MEGF11: variants seen among roughly 807,000 people sequenced by gnomAD.
MEGF11 encodes the protein multiple epidermal growth factor-like domains protein 11.
Under a neutral mutation model 146.6 loss-of-function variants are expected in MEGF11, and 126 were observed. That is an observed-to-expected ratio of 0.86 (90% CI 0.74 to 1.00). MEGF11 has a LOEUF of 1.00. Among genes scored for constraint, MEGF11 ranks in the 50% least tolerant of loss-of-function variants. The pLI, the probability that MEGF11 is intolerant of heterozygous loss-of-function variation, is 0.00. For missense variants in MEGF11, 1,509 were observed against 1,521.2 expected (o/e 0.99, Z 0.13); for synonymous variants, 532 against 583.4 (o/e 0.91, Z 1.27).
At chr15:66,096,925 G>A (rs1485192767) in intron 4 of MEGF11, among the ~76,000 whole-genome samples, 2 of 151,980 alleles carry the variant, frequency 1.3e-5, no homozygotes, top group Non-Finnish European at 2.9e-5. Flanking sequence ...GCAGAACACC[G>A]CCCCCCACAC....
intron 1 of MEGF11, among the ~76,000 whole-genome samples, chr15:66,162,430 G>A (rs952091187): frequency 1.3e-5 from 2 of 152,184 alleles, no homozygotes; most frequent in Admixed American, 6.5e-5. Context: ...ATAGGGTAGT[G>A]TTGTGTTGCT....
At chr15:66,057,157 T>C (rs333577) in intron 5 of MEGF11, among the ~76,000 whole-genome samples, 139,640 of 152,184 alleles carry the variant, frequency 0.92, 64,567 homozygotes, top group Non-Finnish European at 0.97. Context: ...TGACTCTCCC[T>C]TCCCATTCCC....
chr15:65,964,391 TCC>T (rs2080981929), intron 9 of MEGF11, among the ~76,000 whole-genome samples: 1 of 152,222 alleles, frequency 6.6e-6, no homozygotes, highest in East Asian at 1.9e-4. Context: ...GGGACAACCC[TCC>T]TTAGGCCCTG....
At chr15:65,968,372 C>A (rs533420186) in intron 8 of MEGF11, among the ~76,000 whole-genome samples, 2 of 152,278 alleles carry the variant, frequency 1.3e-5, no homozygotes, top group Non-Finnish European at 2.9e-5. Context: ...AACCAGATAC[C>A]TCCTGATACC....
At chr15:66,244,209 G>T (rs183585277) in intron 1 of MEGF11, among the ~76,000 whole-genome samples, 1 of 151,998 alleles carries the variant, frequency 6.6e-6, no homozygotes, top group Admixed American at 6.6e-5. Context: ...AGTAAACATC[G>T]CCCACTCCTC....
At chr15:65,950,083 C>T (rs1180400969) in intron 10 of MEGF11, among the ~76,000 whole-genome samples, 1 of 152,192 alleles carries the variant, frequency 6.6e-6, no homozygotes, top group African/African-American at 2.4e-5. Context: ...AGGCCAGGAC[C>T]AGTCATCCTC....
At chr15:66,061,749 C>T (rs1490873249) in intron 5 of MEGF11, among the ~76,000 whole-genome samples, 2 of 151,954 alleles carry the variant, frequency 1.3e-5, no homozygotes, top group Non-Finnish European at 2.9e-5. Context: ...AATCCTCCCG[C>T]TTTGGCCTCC....
intron 15 of MEGF11, among the ~76,000 whole-genome samples, chr15:65,919,505 A>G (rs941768135): frequency 6.6e-6 from 1 of 152,222 alleles, no homozygotes; most frequent in African/African-American, 2.4e-5. Context: ...CTAAAAAACA[A>G]TGTACATGTC....
intron 1 of MEGF11, among the ~76,000 whole-genome samples, chr15:66,179,224 C>T (rs145274810): frequency 1.4e-3 from 213 of 152,240 alleles, no homozygotes; most frequent in African/African-American, 5.0e-3. Context: ...CCTCTGCCTC[C>T]CAGGTTCTAG....
chr15:66,128,295 C>A lies in MEGF11; in HGVS notation c.98+11G>T. On this transcript the variant is annotated intron_variant, in intron 2 of 25. Coordinates refer to ENST00000395614, the MANE Select transcript of MEGF11 (RefSeq NM_001385028.1). ...CAGAGAGTGCCTGGCCATCTGAGGCCCACACCTTACCTCTCCCAGTGGCTG... is the reference window on the plus strand; with the variant it reads ...CAGAGAGTGCCTGGCCATCTGAGGCACACACCTTACCTCTCCCAGTGGCTG... The A allele has an allele frequency of 6.8e-7, 1 of 1,478,198 alleles. No homozygotes were observed. Among genetic ancestry groups the A allele is most frequent in the Middle Eastern group, 1.7e-4 (1 of 5,720 alleles). 91.6% of individuals were successfully genotyped at this position (1,478,198 alleles called of 1,614,324 possible). A position where few individuals can be genotyped will look rare whatever the true frequency, so the allele number is the denominator to read the frequency against.
At chr15:65,990,608 A>T (rs1426994564) in intron 5 of MEGF11, among the ~76,000 whole-genome samples, 2 of 139,054 alleles carry the variant, frequency 1.4e-5, no homozygotes, top group African/African-American at 5.2e-5. Flanking sequence ...AAGAAAAGAA[A>T]AGAAAAAAAA....
At chr15:66,061,312 G>A (rs534547106) in intron 5 of MEGF11, among the ~76,000 whole-genome samples, 15 of 152,182 alleles carry the variant, frequency 9.9e-5, no homozygotes, top group Non-Finnish European at 1.8e-4. Context: ...ACTGCAGGCC[G>A]TCCCAGGCAT....
At chr15:66,048,157 G>A (rs771962314) in intron 5 of MEGF11, among the ~76,000 whole-genome samples, 22 of 152,168 alleles carry the variant, frequency 1.4e-4, no homozygotes, top group South Asian at 6.2e-4. Context: ...TGTTGGCCAG[G>A]CTGCTCTTGA....
rs2086785363 is a variant in MEGF11, at chr15:66,101,034, AGCAGGCG to A, written c.302-6547_302-6541del. The stretch of plus-strand genomic sequence containing the variant: ...ACGTGGGTGGGTGGGTGAGCGGGTG[AGCAGGCG>A]GGTGAGTGAGCCAGTGAGTGGGTGA... On this transcript the variant is annotated intron_variant, in intron 4 of 25. Transcript: ENST00000395614. Among the ~76,000 whole-genome samples, 9 of 93,526 alleles carry A rather than the reference AGCAGGCG, an allele frequency of 9.6e-5. No individual in the cohort carries two copies. The East Asian group carries it at 3.7e-3, about 38-fold the overall frequency. The allele number at this position is 93,526 out of a possible 152,430, so 61.4% of individuals were successfully genotyped here. A position where few individuals can be genotyped will look rare whatever the true frequency, so the allele number is the denominator to read the frequency against.
chr15:66,226,230 G>A (rs994077826), intron 1 of MEGF11, among the ~76,000 whole-genome samples: 10 of 151,750 alleles, frequency 6.6e-5, no homozygotes, highest in Non-Finnish European at 1.0e-4. Context: ...CTCAGTGCTT[G>A]TGTTCAAGTG....
chr15:65,907,866 T>C (rs968588565), intron 23 of MEGF11, among the ~76,000 whole-genome samples: 4 of 152,254 alleles, frequency 2.6e-5, no homozygotes, highest in African/African-American at 7.2e-5. Context: ...GTATTCTCTC[T>C]CACTGGATAC....
chr15:66,184,013 C>A (rs2090626530), intron 1 of MEGF11, among the ~76,000 whole-genome samples: 1 of 152,090 alleles, frequency 6.6e-6, no homozygotes, highest in South Asian at 2.1e-4. Context: ...TTTATATAAA[C>A]TTCTAGAAAA....
chr15:66,233,081 C>G (rs1482710193), intron 1 of MEGF11, among the ~76,000 whole-genome samples: 1 of 152,206 alleles, frequency 6.6e-6, no homozygotes, highest in Non-Finnish European at 1.5e-5. Context: ...TTACACAGCA[C>G]TGTTACCCAA....
intron 1 of MEGF11, among the ~76,000 whole-genome samples, chr15:66,183,887 T>C (rs1219403792): frequency 6.6e-6 from 1 of 152,140 alleles, no homozygotes; most frequent in Non-Finnish European, 1.5e-5. Flanking sequence ...AGATATAAAT[T>C]GAGCAGCAAA....
Sources: gnomAD v4.1 joint callset for allele counts (sites outside exome capture counted in the v4.1 genomes callset) on GRCh38, gnomAD v4.1.1 for gene constraint, MANE v1.5 for transcripts, NCBI Gene and HGNC (gene_info 2026-07-23, HGNC 2026-07-21) for gene names.